Variants in NAV2 observed in about 807,000 individuals in gnomAD.
The protein encoded by NAV2 is neuron navigator 2, also known as helicase, APC down-regulated 1.
Under a neutral mutation model 223.2 loss-of-function variants are expected in NAV2, and 54 were observed. That is an observed-to-expected ratio of 0.24 (90% CI 0.19 to 0.30). The LOEUF is 0.30. Among genes scored for constraint, NAV2 ranks in the 10% least tolerant of loss-of-function variants. NAV2 has a pLI of 1.00. For missense variants in NAV2, 2,806 were observed against 3,147.5 expected, an observed-to-expected ratio of 0.89 and a Z score of 2.60; for synonymous variants, 1,279 against 1,239.3, an observed-to-expected ratio of 1.03 and a Z score of -0.67.
intron 30 of NAV2, 101 bp downstream of exon 30, chr11:20,095,868 A>C: frequency 2.4e-6 from 2 of 820,774 alleles, no homozygotes; most frequent in Non-Finnish European, 2.1e-6. Flanking sequence ...GCCATTTCTC[A>C]GACCTGTCCC....
chr11:19,715,150 G>A (rs2050197494), intron 1 of NAV2, among the ~76,000 whole-genome samples: 1 of 152,194 alleles, frequency 6.6e-6, no homozygotes. Context: ...CTAATTGTAA[G>A]CAGACTTTTG....
intron 1 of NAV2, among the ~76,000 whole-genome samples, chr11:19,533,002 C>G (rs953189458): frequency 1.3e-5 from 2 of 152,190 alleles, no homozygotes; most frequent in Non-Finnish European, 2.9e-5. Context: ...AGTGTCCACA[C>G]ATAGTGGTAC....
At chr11:20,002,799 C>A (rs1443093037) in intron 11 of NAV2, among the ~76,000 whole-genome samples, 1 of 152,146 alleles carries the variant, frequency 6.6e-6, no homozygotes, top group Non-Finnish European at 1.5e-5. Flanking sequence ...CCCCAGCGCC[C>A]CTGGAACTGT....
intron 34 of NAV2, 194 bp from the exon 35 acceptor site, chr11:20,105,337 A>G: frequency 2.0e-6 from 1 of 512,546 alleles, no homozygotes; most frequent in South Asian, 3.1e-5. Context: ...GATAATATCT[A>G]TGTTAGAGGG....
intron 1 of NAV2, among the ~76,000 whole-genome samples, chr11:19,663,318 C>T (rs2048335588): frequency 6.6e-6 from 1 of 152,130 alleles, no homozygotes; most frequent in Non-Finnish European, 1.5e-5. Flanking sequence ...GGGCATTGTG[C>T]TGAGCATTTT....
intron 11 of NAV2, among the ~76,000 whole-genome samples, chr11:20,006,293 C>T (rs1443937005): frequency 6.6e-6 from 1 of 152,110 alleles, no homozygotes; most frequent in Admixed American, 6.5e-5. Flanking sequence ...AAGCCAGGTT[C>T]CCACAGGTCA....
intron 1 of NAV2, among the ~76,000 whole-genome samples, chr11:19,691,944 T>C (rs115983704): frequency 0.015 from 2,274 of 152,344 alleles, 49 homozygotes; most frequent in African/African-American, 0.052. Flanking sequence ...AGACAGGAGC[T>C]GACAACACTT....
chr11:19,614,736 T>A (rs2046745098), intron 1 of NAV2, among the ~76,000 whole-genome samples: 1 of 152,186 alleles, frequency 6.6e-6, no homozygotes, highest in South Asian at 2.1e-4. Flanking sequence ...GCGTTTTCTC[T>A]GTAGCTGTGG....
At position 20,105,616 on chromosome 11, in the gene NAV2, A is replaced by G. The variant is rs1238445745; in HGVS notation, c.6730A>G (p.Ser2244Gly). Residue 2244 changes from serine to glycine, a missense_variant, in exon 35 of 38, where the codon AGT (serine) becomes GGT (glycine). Coordinates refer to ENST00000349880, the MANE Select transcript of NAV2 (RefSeq NM_145117.5). The stretch of plus-strand genomic sequence containing the variant: ...GAGGAAGCTCATGGAAACAGAGATC[A>G]GTGGGCGGGTGCGCAATATGGAGCT... ...LRRKLMETEISGRVRNMELVK... is the reference protein window; with the variant it reads ...LRRKLMETEIGGRVRNMELVK... The G allele has an allele frequency of 6.2e-7, 1 of 1,614,078 alleles. No individual in the cohort carries two copies. Among genetic ancestry groups the G allele is most frequent in the Admixed American group, 1.7e-5 (1 of 60,016 alleles).
chr11:19,478,678 C>T (rs1011586450), intron 1 of NAV2, among the ~76,000 whole-genome samples: 1 of 152,212 alleles, frequency 6.6e-6, no homozygotes, highest in Non-Finnish European at 1.5e-5. Flanking sequence ...AGACAAAAGC[C>T]TTCATCTTGC....
At chr11:19,740,483 G>A (rs2052702617) in intron 1 of NAV2, among the ~76,000 whole-genome samples, 1 of 152,082 alleles carries the variant, frequency 6.6e-6, no homozygotes, top group Non-Finnish European at 1.5e-5. Context: ...GTGTTTATCT[G>A]CTGACCTTCT....
chr11:19,946,913 T>A (rs993609930), intron 9 of NAV2, among the ~76,000 whole-genome samples: 1 of 152,264 alleles, frequency 6.6e-6, no homozygotes, highest in African/African-American at 2.4e-5. Context: ...TTGTTAGTCA[T>A]GCACGTACAT....
Position 19,892,607 on chromosome 11 carries a change from C to G in NAV2, c.931+13C>G. The G allele has an allele frequency of 6.2e-7, 1 of 1,611,724 alleles. No homozygotes were observed. The highest frequency in any genetic ancestry group is 1.1e-5 in the South Asian group (1 of 90,682). On this transcript the variant is annotated intron_variant, in intron 6 of 37. Coordinates refer to ENST00000349880, the MANE Select transcript of NAV2 (RefSeq NM_145117.5). ...AGCCACGAGAAAGGTGAGTCACCTTCTTGAGGAGCCTTTTTGGTATTTTCC... is the reference window on the plus strand; with the variant it reads ...AGCCACGAGAAAGGTGAGTCACCTTGTTGAGGAGCCTTTTTGGTATTTTCC...
At chr11:20,050,572 GAAAA>G (rs1260684558) in intron 16 of NAV2, among the ~76,000 whole-genome samples, 1 of 70,130 alleles carries the variant, frequency 1.4e-5, no homozygotes. Flanking sequence ...TCTCCTGCCA[GAAAA>G]AAAAAAAAAA....
intron 12 of NAV2, among the ~76,000 whole-genome samples, chr11:20,041,616 T>C (rs1407061381): frequency 2.0e-5 from 3 of 152,248 alleles, no homozygotes; most frequent in Admixed American, 2.0e-4. Flanking sequence ...TGTTAAAATG[T>C]ACTTGAATGT....
At chr11:20,046,421 G>T (rs536251233) in intron 14 of NAV2, among the ~76,000 whole-genome samples, 3 of 152,014 alleles carry the variant, frequency 2.0e-5, no homozygotes, top group African/African-American at 7.3e-5. Flanking sequence ...TAGCTCAGGG[G>T]AGCAGATACA....
At chr11:19,381,007 G>T (rs1417597160) in intron 1 of NAV2, among the ~76,000 whole-genome samples, 1 of 152,172 alleles carries the variant, frequency 6.6e-6, no homozygotes, top group Admixed American at 6.5e-5. Flanking sequence ...GTTCTAAATG[G>T]GTTGTAGTGG....
At chr11:19,618,789 G>T (rs1367837407) in intron 1 of NAV2, among the ~76,000 whole-genome samples, 10 of 151,962 alleles carry the variant, frequency 6.6e-5, no homozygotes, top group African/African-American at 2.4e-4. Flanking sequence ...AAAGATTGGG[G>T]AGGGGGTACA....
rs530647535 is a variant in NAV2, at chr11:19,425,882, A to C, written c.75+74855A>C. On this transcript the variant is annotated intron_variant, in intron 1 of 37. Transcript: ENST00000360655. ...AAGGCTCTTTATTATTGATGTCAAGACCCATATATCTACTAAAAGTTATCA... is the reference window on the plus strand; with the variant it reads ...AAGGCTCTTTATTATTGATGTCAAGCCCCATATATCTACTAAAAGTTATCA... Among the ~76,000 whole-genome samples, 199 of 152,270 alleles carry C rather than the reference A, an allele frequency of 1.3e-3. 1 individual carries two copies. Among genetic ancestry groups the C allele is most frequent in the African/African-American group, 4.5e-3 (185 of 41,554 alleles).
Sources: gnomAD v4.1 joint callset for allele counts (sites outside exome capture counted in the v4.1 genomes callset) on GRCh38, gnomAD v4.1.1 for gene constraint, MANE v1.5 for transcripts, NCBI Gene and HGNC (gene_info 2026-07-23, HGNC 2026-07-21) for gene names.